Variants in LPP observed in about 807,000 individuals in gnomAD.
LPP encodes lipoma-preferred partner.
A neutral mutation model predicts 60.4 loss-of-function variants in LPP; 38 were observed. That is an observed-to-expected ratio of 0.63 (90% CI 0.49 to 0.83). The LOEUF is 0.83. Ranked by LOEUF, LPP falls within the 40% of genes least tolerant of loss-of-function variation. The probability of loss-of-function intolerance (pLI) is 0.00; values close to 1 mark genes in which losing one functional copy is unlikely to be tolerated. For synonymous variants in LPP, 328 were observed against 290.8 expected, an observed-to-expected ratio of 1.13 and a Z score of -1.30; for missense variants, 902 against 783.6, an observed-to-expected ratio of 1.15 and a Z score of -1.80.
intron 2 of LPP, among the ~76,000 whole-genome samples, chr3:188,230,138 T>C (rs1381449660): frequency 6.6e-6 from 1 of 151,766 alleles, no homozygotes; most frequent in Non-Finnish European, 1.5e-5. Flanking sequence ...CAGGCCAGAG[T>C]GCGGTGGTGC....
chr3:188,825,086 T>G (rs1029767071), intron 9 of LPP, among the ~76,000 whole-genome samples: 31 of 152,188 alleles, frequency 2.0e-4, no homozygotes, highest in African/African-American at 7.5e-4. Flanking sequence ...AATGTCTGAG[T>G]TTGAAAGTTC....
Position 188,406,112 on chromosome 3 carries a change from A to T in LPP, c.-9A>T, listed in dbSNP as rs1321914165. 6.2e-7 allele frequency: 1 copy of T among 1,606,302 alleles called. No individual in the cohort carries two copies. Among genetic ancestry groups the T allele is most frequent in the Admixed American group, 1.7e-5 (1 of 58,242 alleles). The stretch of plus-strand genomic sequence containing the variant: ...AAACAGTGTTTCTTTTTCATTGCAG[A>T]TTCCAACAATGTCTCACCCATCTTG... On this transcript the variant is annotated splice_region_variant and 5_prime_UTR_variant, in exon 4 of 12. Coordinates refer to ENST00000617246, the MANE Select transcript of LPP (RefSeq NM_001375462.1).
At chr3:188,385,558 T>C (rs540802871) in intron 3 of LPP, among the ~76,000 whole-genome samples, 1 of 152,270 alleles carries the variant, frequency 6.6e-6, no homozygotes, top group African/African-American at 2.4e-5. Flanking sequence ...TGTACTTAGG[T>C]TCCATACTTG....
At chr3:188,334,080 T>C (rs1760904242) in intron 2 of LPP, among the ~76,000 whole-genome samples, 1 of 152,226 alleles carries the variant, frequency 6.6e-6, no homozygotes, top group South Asian at 2.1e-4. Context: ...ATGTGATCGA[T>C]TTCTTTCAGC....
At chr3:188,397,503 C>A (rs1219420113) in intron 3 of LPP, among the ~76,000 whole-genome samples, 1 of 152,146 alleles carries the variant, frequency 6.6e-6, no homozygotes, top group Non-Finnish European at 1.5e-5. Context: ...GAGTCCTGAT[C>A]TTTCAGTGCT....
intron 3 of LPP, among the ~76,000 whole-genome samples, chr3:188,393,008 T>C (rs572938982): frequency 7.2e-6 from 1 of 139,626 alleles, no homozygotes; most frequent in Admixed American, 7.2e-5. Flanking sequence ...AGTGAGTGCA[T>C]TTGGATGTAT....
chr3:188,500,903 T>G (rs913094203), intron 5 of LPP, among the ~76,000 whole-genome samples: 12 of 152,136 alleles, frequency 7.9e-5, no homozygotes, highest in Admixed American at 7.9e-4. Context: ...CTACTTTTAT[T>G]TTTGTCTTTT....
chr3:188,456,670 G>A (rs151019957), intron 4 of LPP, among the ~76,000 whole-genome samples: 1 of 152,268 alleles, frequency 6.6e-6, no homozygotes, highest in Non-Finnish European at 1.5e-5. Flanking sequence ...AGTCAACCTC[G>A]GCTTCTGAGT....
In LPP at chr3:188,211,550, G is replaced by A. The variant is rs577800051; in HGVS notation, c.-189-13855G>A. Among the ~76,000 whole-genome samples, 3 of 152,130 alleles carry A rather than the reference G, an allele frequency of 2.0e-5. No homozygotes were observed. In the East Asian group the frequency reaches 5.8e-4, roughly 29 times the overall value. On this transcript the variant is annotated intron_variant, in intron 1 of 11. Coordinates refer to ENST00000617246, the MANE Select transcript of LPP (RefSeq NM_001375462.1). ...TCTCTCTTTCTCCTCCTTTAATTCA[G>A]TCTGGAGTCATTTTAGATCAGATTC...
intron 3 of LPP, among the ~76,000 whole-genome samples, chr3:188,362,993 T>C (rs1238984469): frequency 6.6e-6 from 1 of 151,832 alleles, no homozygotes; most frequent in Non-Finnish European, 1.5e-5. Flanking sequence ...GACCCAACTG[T>C]TTTTTAAATT....
At chr3:188,555,715 G>C (rs999189486) in intron 6 of LPP, among the ~76,000 whole-genome samples, 1 of 152,090 alleles carries the variant, frequency 6.6e-6, no homozygotes, top group Admixed American at 6.6e-5. Flanking sequence ...AAAGGAGAAA[G>C]GATGATCAGC....
At chr3:188,719,211 T>G (rs189174315) in intron 8 of LPP, among the ~76,000 whole-genome samples, 90 of 152,360 alleles carry the variant, frequency 5.9e-4, no homozygotes, top group African/African-American at 2.1e-3. Context: ...GTAGGTTTCA[T>G]CTATAGTCTT....
Position 188,278,421 on chromosome 3 carries a change from C to T in LPP, c.-67+52894C>T, listed in dbSNP as rs139247474. ...AAGGAGTGCTCTGTCCTCACCTCTTCCTCCCATGGCACCTGCAGCCAGAGA... is the reference window on the plus strand; with the variant it reads ...AAGGAGTGCTCTGTCCTCACCTCTTTCTCCCATGGCACCTGCAGCCAGAGA... On this transcript the variant is annotated intron_variant, in intron 2 of 11. Transcript: ENST00000617246. 6.5e-3 allele frequency among the ~76,000 whole-genome samples: 997 copies of T among 152,324 alleles called. 8 individuals are homozygous for T. The highest frequency in any genetic ancestry group is 9.9e-3 in the Non-Finnish European group (672 of 68,036).
In LPP at chr3:188,820,486, T is replaced by C. The variant is rs1577770604; in HGVS notation, c.1411-45714T>C. Among the ~76,000 whole-genome samples the C allele has an allele frequency of 2.0e-5, 3 of 152,264 alleles. No homozygotes were observed. The South Asian group carries it at 6.2e-4, about 32-fold the overall frequency. The stretch of plus-strand genomic sequence containing the variant: ...GCACTCATTGGTATAAAAGGAGGAA[T>C]ACTCTTCTCAAAAGTACACACCAAT... On this transcript the variant is annotated intron_variant, in intron 9 of 11. Transcript: ENST00000617246.
chr3:188,262,314 A>G (rs1328539580), intron 2 of LPP, among the ~76,000 whole-genome samples: 3 of 151,766 alleles, frequency 2.0e-5, no homozygotes, highest in South Asian at 2.1e-4. Flanking sequence ...AATAAAATAG[A>G]TATTGAAAAT....
intron 2 of LPP, among the ~76,000 whole-genome samples, chr3:188,259,249 C>T (rs760936966): frequency 1.3e-5 from 2 of 152,162 alleles, no homozygotes; most frequent in Non-Finnish European, 2.9e-5. Context: ...TCCCAGAGTG[C>T]ATCCAGAGAC....
At chr3:188,751,303 C>T (rs1415527833) in intron 8 of LPP, among the ~76,000 whole-genome samples, 1 of 152,204 alleles carries the variant, frequency 6.6e-6, no homozygotes, top group Non-Finnish European at 1.5e-5. Flanking sequence ...CGGGAGAGAT[C>T]ACGGAGCAGA....
intron 9 of LPP, among the ~76,000 whole-genome samples, chr3:188,841,573 G>A (rs1760031076): frequency 6.6e-6 from 1 of 151,974 alleles, no homozygotes; most frequent in African/African-American, 2.4e-5. Flanking sequence ...TGTATTTTCA[G>A]TAGAGATGGG....
At chr3:188,528,705 G>A (rs1403722103) in intron 6 of LPP, among the ~76,000 whole-genome samples, 1 of 152,200 alleles carries the variant, frequency 6.6e-6, no homozygotes, top group Non-Finnish European at 1.5e-5. Context: ...TCACCAAGAA[G>A]ATTAATGGTT....
Sources: allele counts gnomAD v4.1 joint callset (sites outside exome capture counted in the v4.1 genomes callset), GRCh38; gene constraint gnomAD v4.1.1; transcripts MANE v1.5; gene names NCBI Gene and HGNC (gene_info 2026-07-23, HGNC 2026-07-21).